The following ITGBL1 variants were observed in gnomAD, a reference collection of about 807,000 sequenced individuals.
ITGBL1 encodes integrin subunit beta like 1, also known as integrin beta-like protein 1.
In ITGBL1, 51 loss-of-function variants were observed where a neutral mutation model predicts 68.5. That is an observed-to-expected ratio of 0.74 (90% CI 0.59 to 0.94). ITGBL1 has a LOEUF of 0.94. Among genes scored for constraint, ITGBL1 ranks in the 40% least tolerant of loss-of-function variants. The pLI is 0.00. For synonymous variants in ITGBL1, 209 were observed against 227.3 expected (o/e 0.92, Z 0.72); for missense variants, 649 against 647.4 (o/e 1.00, Z -0.03).
At chr13:101,515,506 C>G (rs1213095733) in intron 2 of ITGBL1, among the ~76,000 whole-genome samples, 1 of 152,062 alleles carries the variant, frequency 6.6e-6, no homozygotes, top group Non-Finnish European at 1.5e-5. Context: ...TAGCCGAGAA[C>G]CATTTGCAGT....
chr13:101,562,307 T>C (rs1322492486), intron 2 of ITGBL1, among the ~76,000 whole-genome samples: 1 of 151,978 alleles, frequency 6.6e-6, no homozygotes, highest in Non-Finnish European at 1.5e-5. Context: ...CTAATAAAAA[T>C]TGCTTAGAAA....
chr13:101,459,384 G>A (rs964471248), intron 2 of ITGBL1, among the ~76,000 whole-genome samples: 1 of 152,262 alleles, frequency 6.6e-6, no homozygotes, highest in African/African-American at 2.4e-5. Flanking sequence ...ATGATTTTAT[G>A]TATGTATGTA....
At chr13:101,650,728 C>G (rs1008435406) in intron 7 of ITGBL1, among the ~76,000 whole-genome samples, 1 of 151,804 alleles carries the variant, frequency 6.6e-6, no homozygotes, top group Non-Finnish European at 1.5e-5. Context: ...TACAGATCCG[C>G]CCATCACCTA....
chr13:101,525,515 A>C (rs2049360334), intron 2 of ITGBL1, among the ~76,000 whole-genome samples: 1 of 118,080 alleles, frequency 8.5e-6, no homozygotes. Context: ...CTGCAGAAAC[A>C]CAGGCACCTT....
chr13:101,568,997 C>T (rs77721874), intron 3 of ITGBL1, among the ~76,000 whole-genome samples: 5,044 of 144,614 alleles, frequency 0.035, 306 homozygotes, highest in African/African-American at 0.12. Context: ...GATTTCTCTA[C>T]GTCCAATTCA....
In ITGBL1 at chr13:101,590,655, G is replaced by A. The variant is rs892747594; in HGVS notation, c.868+7299G>A. Among the ~76,000 whole-genome samples the A allele has an allele frequency of 3.3e-5, 5 of 152,056 alleles. No homozygotes were observed. The East Asian group carries it at 7.7e-4, about 23-fold the overall frequency. On this transcript the variant is annotated intron_variant, in intron 6 of 10. Transcript: ENST00000376180. ...TTGTTCCAGTGTCAACAAGTCTCTCGCAAATGTCAGCATGTTCTGTACTTT... is the reference window on the plus strand; with the variant it reads ...TTGTTCCAGTGTCAACAAGTCTCTCACAAATGTCAGCATGTTCTGTACTTT...
rs2034276354 is a variant in ITGBL1, at chr13:101,706,890, T to C, written c.1267T>C (p.Cys423Arg). 6.2e-7 allele frequency: 1 copy of C among 1,613,882 alleles called. No homozygotes were observed. The highest frequency in any genetic ancestry group is 1.3e-5 in the African/African-American group (1 of 74,922). Reference protein sequence around the residue: ...NLCESADGILCSGKGSCHCGK... With the variant: ...NLCESADGILRSGKGSCHCGK... ...GTGTGAATCAGCAGATGGCATATTGTGCTCGGGGAAGGGTGAGTATCTCTG... is the reference window on the plus strand; with the variant it reads ...GTGTGAATCAGCAGATGGCATATTGCGCTCGGGGAAGGGTGAGTATCTCTG... The change falls in exon 9 of 11, where the codon TGC (cysteine) becomes CGC (arginine). Residue 423 changes from cysteine to arginine, a missense_variant. Cys to Arg is a radical substitution (Grantham distance 180). Coordinates refer to ENST00000376180, the MANE Select transcript of ITGBL1 (RefSeq NM_004791.3).
chr13:101,711,241 C>T (rs1000658433), intron 9 of ITGBL1: 10 of 152,196 alleles, frequency 6.6e-5, no homozygotes, highest in African/African-American at 2.4e-4. Flanking sequence ...CAGATAATCA[C>T]GTCCAATCTT....
chr13:101,464,387 CTTGTA>C (rs1343276988), intron 2 of ITGBL1, among the ~76,000 whole-genome samples: 1 of 152,042 alleles, frequency 6.6e-6, no homozygotes, highest in Non-Finnish European at 1.5e-5. Context: ...AAAATCTTGG[CTTGTA>C]CCCCAAGTGT....
At chr13:101,583,987 C>T (rs2050508609) in intron 6 of ITGBL1, among the ~76,000 whole-genome samples, 1 of 152,194 alleles carries the variant, frequency 6.6e-6, no homozygotes, top group African/African-American at 2.4e-5. Flanking sequence ...GGATAGTTAT[C>T]ATTAGGGCAC....
At chr13:101,472,704 A>C (rs1210838657) in intron 2 of ITGBL1, among the ~76,000 whole-genome samples, 1 of 152,166 alleles carries the variant, frequency 6.6e-6, no homozygotes, top group Admixed American at 6.5e-5. Context: ...CATTAACTTA[A>C]TGCAGAGGGT....
intron 7 of ITGBL1, among the ~76,000 whole-genome samples, chr13:101,601,098 G>A (rs973854705): frequency 6.6e-6 from 1 of 151,628 alleles, no homozygotes; most frequent in African/African-American, 2.4e-5. Flanking sequence ...AGCTATTATT[G>A]CCTCAATTTC....
intron 9 of ITGBL1, among the ~76,000 whole-genome samples, chr13:101,708,934 C>T (rs1401235918): frequency 3.3e-5 from 5 of 152,334 alleles, no homozygotes; most frequent in African/African-American, 1.2e-4. Flanking sequence ...AACAGATCTT[C>T]CACCAGTTCT....
intron 2 of ITGBL1, among the ~76,000 whole-genome samples, chr13:101,561,702 C>T (rs1223233649): frequency 6.6e-6 from 1 of 152,004 alleles, no homozygotes; most frequent in Non-Finnish European, 1.5e-5. Flanking sequence ...TCTTTGAAAG[C>T]CTGAAAGAAA....
intron 7 of ITGBL1, among the ~76,000 whole-genome samples, chr13:101,670,123 T>C (rs2033321459): frequency 6.6e-6 from 1 of 152,216 alleles, no homozygotes; most frequent in Admixed American, 6.5e-5. Flanking sequence ...CTTTTCTTGA[T>C]GTGTCTGAAT....
chr13:101,559,812 T>C (rs908452508), intron 2 of ITGBL1, among the ~76,000 whole-genome samples: 7 of 152,224 alleles, frequency 4.6e-5, no homozygotes, highest in Non-Finnish European at 1.0e-4. Flanking sequence ...CAGACTAACT[T>C]GCATAAAGTA....
chr13:101,452,985 G>T (rs1594816636), intron 1 of ITGBL1, 54 bp downstream of exon 1: 1 of 1,447,112 alleles, frequency 6.9e-7, no homozygotes, highest in Non-Finnish European at 9.7e-7. Flanking sequence ...ATGTGGCAGG[G>T]CTCAAGCTTG....
intron 6 of ITGBL1, among the ~76,000 whole-genome samples, chr13:101,596,412 A>G (rs1034449846): frequency 9.9e-5 from 15 of 152,168 alleles, no homozygotes; most frequent in African/African-American, 3.6e-4. Context: ...TGAGGAGAGT[A>G]CATCTTAGAT....
chr13:101,452,942 T>C lies in ITGBL1; in HGVS notation c.98+11T>C. The C allele has an allele frequency of 6.2e-7, 1 of 1,611,368 alleles. No homozygotes were observed. The highest frequency in any genetic ancestry group is 1.1e-5 in the South Asian group (1 of 91,040). ...CTCGCCATCTCTGAGGTAAGTTTGG[T>C]TTGTTATTCTTCAGTACAGACCTGC... On this transcript the variant is annotated intron_variant, in intron 1 of 10. Coordinates refer to ENST00000376180, the MANE Select transcript of ITGBL1 (RefSeq NM_004791.3).
Sources: gnomAD v4.1 joint callset for allele counts (sites outside exome capture counted in the v4.1 genomes callset) on GRCh38, gnomAD v4.1.1 for gene constraint, MANE v1.5 for transcripts, NCBI Gene and HGNC (gene_info 2026-07-23, HGNC 2026-07-21) for gene names.